Variants in ZNF654 observed in about 807,000 individuals in gnomAD.
ZNF654 encodes melanoma-associated antigen.
A neutral mutation model predicts 95.3 loss-of-function variants in ZNF654; 19 were observed. The ratio of observed to expected loss-of-function variants is 0.20; its 90% confidence interval spans 0.14 to 0.29. The LOEUF is 0.29. Among genes scored for constraint, ZNF654 ranks in the 10% least tolerant of loss-of-function variants. The pLI is 1.00. For missense variants in ZNF654, 1,046 were observed against 1,341.0 expected, an observed-to-expected ratio of 0.78 and a Z score of 3.44; for synonymous variants, 413 against 457.9, an observed-to-expected ratio of 0.90 and a Z score of 1.25.
intron 1 of ZNF654, among the ~76,000 whole-genome samples, chr3:88,072,628 C>T (rs148483824): frequency 3.9e-4 from 59 of 152,282 alleles, no homozygotes; most frequent in African/African-American, 1.2e-3. Context: ...CTTCCCTGAA[C>T]ACCCCATGTA....
chr3:88,074,232 G>A (rs1707671408), intron 1 of ZNF654, among the ~76,000 whole-genome samples: 1 of 152,136 alleles, frequency 6.6e-6, no homozygotes, highest in South Asian at 2.1e-4. Flanking sequence ...ATGATTTAGA[G>A]ATGGGTATTT....
chr3:88,110,242 A>G (rs1705006183), intron 2 of ZNF654, among the ~76,000 whole-genome samples: 2 of 152,144 alleles, frequency 1.3e-5, no homozygotes, highest in Non-Finnish European at 2.9e-5. Flanking sequence ...TCATCAATTA[A>G]GTAGTGGAGC....
intron 2 of ZNF654, among the ~76,000 whole-genome samples, chr3:88,103,182 G>C (rs1359556665): frequency 6.6e-6 from 1 of 151,898 alleles, no homozygotes; most frequent in Non-Finnish European, 1.5e-5. Flanking sequence ...TTTTAAAAAA[G>C]AGACCCCCTA....
chr3:88,081,651 A>C (rs2107647219), intron 1 of ZNF654, among the ~76,000 whole-genome samples: 1 of 152,334 alleles, frequency 6.6e-6, no homozygotes, highest in African/African-American at 2.4e-5. Flanking sequence ...TTTAGCCTTT[A>C]GGAGCTCCTT....
intron 3 of ZNF654, among the ~76,000 whole-genome samples, chr3:88,121,133 TAA>T (rs765582721): frequency 1.2e-3 from 182 of 150,998 alleles, no homozygotes; most frequent in Non-Finnish European, 2.3e-3. Context: ...ATGAGCAAAA[TAA>T]AAAAAAAGAA....
chr3:88,141,530 C>G (rs879092011), intron 8 of ZNF654, 115 bp from the exon 9 acceptor site: 1 of 661,252 alleles, frequency 1.5e-6, no homozygotes, highest in Admixed American at 3.6e-5. Context: ...GCTTGTCTGT[C>G]TACTAATATC....
At chr3:88,088,961 T>C (rs1315079046) in intron 2 of ZNF654, among the ~76,000 whole-genome samples, 3 of 151,766 alleles carry the variant, frequency 2.0e-5, no homozygotes, top group Admixed American at 1.3e-4. Flanking sequence ...TTAGTAGAGA[T>C]GGGATTTCAC....
chr3:88,077,511 T>G (rs1022528779), intron 1 of ZNF654, among the ~76,000 whole-genome samples: 16 of 151,114 alleles, frequency 1.1e-4, no homozygotes, highest in African/African-American at 2.9e-4. Context: ...TTTTTGTGAT[T>G]TTTTTAGTAG....
At chr3:88,128,730 T>G in intron 4 of ZNF654, 79 bp from the exon 5 acceptor site, 1 of 942,392 alleles carries the variant, frequency 1.1e-6, no homozygotes, top group Non-Finnish European at 1.6e-6. Context: ...AACCATATTT[T>G]AGTGGTAAAG....
At chr3:88,075,246 T>TA (rs1317641523) in intron 1 of ZNF654, among the ~76,000 whole-genome samples, 2 of 152,234 alleles carry the variant, frequency 1.3e-5, no homozygotes, top group Non-Finnish European at 2.9e-5. Flanking sequence ...GCATATCACT[T>TA]ACTTGTAGTT....
chr3:88,066,296 G>C lies in ZNF654; in HGVS notation c.186+6791G>C, dbSNP rs146227647. On this transcript the variant is annotated intron_variant, in intron 1 of 8. Coordinates refer to ENST00000636215, the MANE Select transcript of ZNF654 (RefSeq NM_001350134.2). The stretch of plus-strand genomic sequence containing the variant: ...TGCTTCAGAAAATCTATCCGTGCCA[G>C]GGTGTGGTGGCTCACACCTGTAATT... Among the ~76,000 whole-genome samples the C allele has an allele frequency of 4.7e-3, 710 of 152,286 alleles. 3 individuals carry two copies. The highest frequency in any genetic ancestry group is 6.8e-3 in the Non-Finnish European group (460 of 68,032).
chr3:88,070,848 A>C (rs1707472076), intron 1 of ZNF654, among the ~76,000 whole-genome samples: 1 of 152,180 alleles, frequency 6.6e-6, no homozygotes, highest in Non-Finnish European at 1.5e-5. Context: ...CAACTACCTT[A>C]AGACACACAG....
intron 3 of ZNF654, among the ~76,000 whole-genome samples, chr3:88,120,914 G>T (rs534809086): frequency 1.3e-5 from 2 of 152,008 alleles, no homozygotes; most frequent in African/African-American, 2.4e-5. Context: ...TTGATGTTTG[G>T]TCATAAGTTG....
Position 88,140,471 on chromosome 3 carries a change from AACAG to A in ZNF654, c.2807_2810del (p.Asp936ValfsTer2). ...CATGTATAGAAAGTATGGAAAAGAA[AACAG>A]ACAGTTTAGTTCAGAATGGAAACGA... is the stretch of plus-strand genomic sequence containing the variant. On this transcript the variant is annotated frameshift_variant, in exon 8 of 9. Transcript: ENST00000636215. LOFTEE classifies it high-confidence loss of function. 1.9e-6 allele frequency: 3 copies of A among 1,613,770 alleles called. No individual in the cohort carries two copies. Among genetic ancestry groups the A allele is most frequent in the Non-Finnish European group, 2.5e-6 (3 of 1,179,762 alleles).
In ZNF654 at chr3:88,124,687, T is replaced by C. The variant is rs542322956; in HGVS notation, c.415-1447T>C. ...TTCTGAAGCTTTGCTTTATAACTGC[T>C]ACTACGTTTTTAATATCAGAGATTT... On this transcript the variant is annotated intron_variant, in intron 3 of 8. Transcript: ENST00000636215. 3.9e-5 allele frequency among the ~76,000 whole-genome samples: 6 copies of C among 152,310 alleles called. No individual in the cohort carries two copies. In the South Asian group the frequency reaches 1.2e-3, roughly 32 times the overall value.
chr3:88,090,104 T>C (rs1471576587), intron 2 of ZNF654, among the ~76,000 whole-genome samples: 1 of 152,236 alleles, frequency 6.6e-6, no homozygotes, highest in Non-Finnish European at 1.5e-5. Flanking sequence ...TTGATTTATG[T>C]ACATGCTCTA....
intron 2 of ZNF654, among the ~76,000 whole-genome samples, chr3:88,105,797 C>T (rs1335758105): frequency 8.6e-5 from 13 of 151,714 alleles, no homozygotes; most frequent in Admixed American, 7.9e-4. Context: ...TTTTTCATAT[C>T]CTTTGGTATG....
chr3:88,090,652 A>G (rs1264509991), intron 2 of ZNF654, among the ~76,000 whole-genome samples: 1 of 152,206 alleles, frequency 6.6e-6, no homozygotes, highest in East Asian at 1.9e-4. Context: ...ATAGGTCTTT[A>G]CATTCATTCA....
intron 4 of ZNF654, 48 bp from the exon 5 acceptor site, chr3:88,128,761 G>C: frequency 7.5e-7 from 1 of 1,327,946 alleles, no homozygotes; most frequent in South Asian, 1.4e-5. Context: ...CAAAGTTTGA[G>C]AGAATCTTTT....
Sources: gnomAD v4.1 joint callset for allele counts (sites outside exome capture counted in the v4.1 genomes callset) on GRCh38, gnomAD v4.1.1 for gene constraint, MANE v1.5 for transcripts, NCBI Gene and HGNC (gene_info 2026-07-23, HGNC 2026-07-21) for gene names.